Variants in DAGLA observed in about 807,000 individuals in gnomAD.
DAGLA encodes diacylglycerol lipase alpha.
A neutral mutation model predicts 102.6 loss-of-function variants in DAGLA; 22 were observed. The observed-to-expected ratio is 0.21, with a 90% confidence interval of 0.15 to 0.31. DAGLA has a LOEUF of 0.31. DAGLA is among the 10% of genes least tolerant of loss of function. The probability of loss-of-function intolerance (pLI) is 1.00; values close to 1 mark genes in which losing one functional copy is unlikely to be tolerated. For missense variants in DAGLA, 927 were observed against 1,446.6 expected (o/e 0.64, Z 5.83); for synonymous variants, 578 against 628.9 (o/e 0.92, Z 1.21).
chr11:61,696,716 G>A (rs2065069508), intron 1 of DAGLA, among the ~76,000 whole-genome samples: 1 of 152,210 alleles, frequency 6.6e-6, no homozygotes, highest in Non-Finnish European at 1.5e-5. Context: ...AGGTTTGCGT[G>A]AAGCACATCT....
At chr11:61,741,128 C>T (rs1360318199) in intron 18 of DAGLA, 34 bp from the exon 19 acceptor site, 4 of 1,580,258 alleles carry the variant, frequency 2.5e-6, no homozygotes, top group Non-Finnish European at 3.4e-6. Context: ...TGATGTCCCT[C>T]CACCACCCCC....
chr11:61,685,328 T>A (rs1439443781), intron 1 of DAGLA, among the ~76,000 whole-genome samples: 1 of 152,172 alleles, frequency 6.6e-6, no homozygotes, highest in Non-Finnish European at 1.5e-5. Context: ...GCGGCCGGAA[T>A]CCTTTCCATA....
In DAGLA at chr11:61,728,268, G is replaced by A. The variant is rs1303345920; in HGVS notation, c.752G>A (p.Arg251His). The change falls in exon 7 of 20, where the codon CGC (arginine) becomes CAC (histidine). Residue 251 changes from arginine to histidine, a missense_variant. Arg to His is a conservative substitution (Grantham distance 29). Around this residue, in one of 4 missense-constraint regions of DAGLA, gnomAD observed 231 missense variants for 439.8 expected, o/e 0.53. Coordinates refer to ENST00000257215, the MANE Select transcript of DAGLA (RefSeq NM_006133.3). Reference protein sequence around the residue: ...VLLRQRQRAKRNAVLDEANND... With the variant: ...VLLRQRQRAKHNAVLDEANND... ...CTCCGGCAGCGGCAGCGGGCCAAGC[G>A]CAACGCCGTGCTGGACGAGGTGAGC... The A allele has an allele frequency of 1.2e-6, 2 of 1,612,508 alleles. No individual in the cohort carries two copies. The highest frequency in any genetic ancestry group is 1.7e-5 in the Admixed American group (1 of 60,024).
chr11:61,726,122 G>A (rs1565258884), intron 6 of DAGLA, 40 bp downstream of exon 6: 3 of 1,583,740 alleles, frequency 1.9e-6, no homozygotes, highest in South Asian at 1.1e-5. Flanking sequence ...CTCACATCCT[G>A]TGGTCAGGTG....
intron 1 of DAGLA, among the ~76,000 whole-genome samples, chr11:61,703,794 A>G (rs1415027859): frequency 6.6e-6 from 1 of 152,234 alleles, no homozygotes; most frequent in Non-Finnish European, 1.5e-5. Flanking sequence ...TCCTGTAACA[A>G]AAGACAGGTT....
intron 4 of DAGLA, among the ~76,000 whole-genome samples, chr11:61,723,198 C>T (rs2065298577): frequency 6.6e-6 from 1 of 152,192 alleles, no homozygotes; most frequent in African/African-American, 2.4e-5. Flanking sequence ...CTCAGCACCT[C>T]CTTGGAAACC....
At chr11:61,707,694 C>G (rs1048485574) in intron 1 of DAGLA, among the ~76,000 whole-genome samples, 1 of 152,200 alleles carries the variant, frequency 6.6e-6, no homozygotes, top group African/African-American at 2.4e-5. Flanking sequence ...CTGTGGAGGC[C>G]ATGTCGGGGC....
rs752433230 is a variant in DAGLA at position 61,729,025 on chromosome 11, C to G, written c.849+17C>G. The stretch of plus-strand genomic sequence containing the variant: ...AAGAATTCAGTGAGTCAGACATCAA[C>G]TCTCACCCCACCCCGTCCCCATCCC... On this transcript the variant is annotated intron_variant, in intron 8 of 19. Transcript: ENST00000257215. The G allele has an allele frequency of 3.1e-6, 5 of 1,608,010 alleles. No individual in the cohort carries two copies. The highest frequency in any genetic ancestry group is 3.4e-6 in the Non-Finnish European group (4 of 1,174,516).
intron 1 of DAGLA, among the ~76,000 whole-genome samples, chr11:61,699,294 C>A (rs1591028623): frequency 6.6e-6 from 1 of 152,174 alleles, no homozygotes; most frequent in African/African-American, 2.4e-5. Context: ...TGCCCTGGAG[C>A]TAAGGCCAGG....
At position 61,731,294 on chromosome 11, in the gene DAGLA, G is replaced by T. The variant is rs576020525; in HGVS notation, c.850-23G>T. On this transcript the variant is annotated intron_variant, in intron 8 of 19. Transcript: ENST00000257215. ...TAGGCAGGAAGGGCAGGAGGTGACC[G>T]CCCTCTGCCTCCTCTCTTCTAGCAA... 3.1e-6 allele frequency: 5 copies of T among 1,612,090 alleles called. 1 individual carries two copies. The South Asian group carries it at 3.3e-5, about 11-fold the overall frequency.
At chr11:61,715,950 G>A (rs561610871) in intron 1 of DAGLA, among the ~76,000 whole-genome samples, 1 of 152,368 alleles carries the variant, frequency 6.6e-6, no homozygotes, top group Non-Finnish European at 1.5e-5. Context: ...AGAGGGGGGG[G>A]AGAGGGTTCT....
intron 19 of DAGLA, 24 bp from the exon 20 acceptor site, chr11:61,743,508 C>T (rs2065500722): frequency 6.7e-7 from 1 of 1,497,448 alleles, no homozygotes; most frequent in African/African-American, 1.4e-5. Context: ...GTCTTATACC[C>T]CCTGCTCTCC....
intron 6 of DAGLA, among the ~76,000 whole-genome samples, chr11:61,726,770 C>T (rs1343062400): frequency 2.0e-5 from 3 of 152,232 alleles, no homozygotes; most frequent in African/African-American, 7.2e-5. Flanking sequence ...ACCACTCCTC[C>T]CTGAGGCAGA....
At position 61,703,693 on chromosome 11, in the gene DAGLA, G is replaced by GGATC. The variant is rs1555040910; in HGVS notation, c.-44-16416_-44-16415insCGAT. ...AGGATGGAGGAATGGATGGATGGAT[G>GGATC]GATGGATGGATGGATGGATGGATGA... is the stretch of plus-strand genomic sequence containing the variant. On this transcript the variant is annotated intron_variant, in intron 1 of 19. Transcript: ENST00000257215. 4.6e-5 allele frequency among the ~76,000 whole-genome samples: 7 copies of GGATC among 151,922 alleles called. No homozygotes were observed. In the East Asian group the frequency reaches 1.4e-3, roughly 29 times the overall value.
intron 10 of DAGLA, 84 bp downstream of exon 10, chr11:61,735,086 A>G (rs2065412404): frequency 6.6e-7 from 1 of 1,508,038 alleles, no homozygotes; most frequent in African/African-American, 1.4e-5. Flanking sequence ...CCAGGCCGGC[A>G]GGAGCCCTTG....
intron 2 of DAGLA, 84 bp from the exon 3 acceptor site, chr11:61,720,594 TG>T: frequency 7.8e-7 from 1 of 1,280,740 alleles, no homozygotes; most frequent in Non-Finnish European, 1.1e-6. Flanking sequence ...CCACTGAATC[TG>T]GGCTGGGGAA....
At chr11:61,702,234 CTG>C (rs2065114976) in intron 1 of DAGLA, among the ~76,000 whole-genome samples, 1 of 152,198 alleles carries the variant, frequency 6.6e-6, no homozygotes, top group Admixed American at 6.5e-5. Context: ...CTCTCTCTCT[CTG>C]TCTTTAACTC....
In DAGLA at chr11:61,743,910, A is replaced by C. The variant is rs766235541; in HGVS notation, c.2550A>C (p.Ser850=). 1 of 1,612,326 alleles carries C rather than the reference A, an allele frequency of 6.2e-7. No individual in the cohort carries two copies. The highest frequency in any genetic ancestry group is 2.2e-5 in the East Asian group (1 of 44,872). The change falls in exon 20 of 20, where the codon TCA becomes TCC. Residue 850 remains serine (S), a synonymous_variant. Coordinates refer to ENST00000257215, the MANE Select transcript of DAGLA (RefSeq NM_006133.3). Reference sequence around the variant, plus strand: ...CGGCCGACAGCCTGTCCAAGCACTCACAGGACACGCAGCCCCTGGAGGCGG... The same window carrying C: ...CGGCCGACAGCCTGTCCAAGCACTCCCAGGACACGCAGCCCCTGGAGGCGG... The part of the protein sequence containing the change: ...LLAADSLSKH[S]QDTQPLEAAL...
Position 61,738,197 on chromosome 11 carries a change from C to T in DAGLA, c.1646C>T (p.Thr549Ile). ...RQLLDVLQRS[T>I]KPKWRIIVGA... is the part of the protein sequence containing the mutation. ...CTCCTGGATGTCCTGCAGCGAAGCA[C>T]CAAGCCCAAAGTGAGCCCCCACCTG... Residue 549 changes from threonine (T) to isoleucine (I), a missense_variant, in exon 16 of 20, where the codon ACC becomes ATC. Physicochemically the swap from Thr to Ile is moderately conservative, Grantham distance 89 (BLOSUM62 -1). This residue lies in a region of DAGLA where 218 missense variants were observed against 459.6 expected (regional missense o/e 0.47). Coordinates refer to ENST00000257215, the MANE Select transcript of DAGLA (RefSeq NM_006133.3). The T allele has an allele frequency of 6.2e-7, 1 of 1,612,778 alleles. No individual in the cohort carries two copies. The highest frequency in any genetic ancestry group is 1.1e-5 in the South Asian group (1 of 91,044).
Sources: gnomAD v4.1 joint callset for allele counts (sites outside exome capture counted in the v4.1 genomes callset) on GRCh38, gnomAD v4.1.1 for gene constraint, gnomAD v4.1.1 regional missense constraint, MANE v1.5 for transcripts, NCBI Gene and HGNC (gene_info 2026-07-23, HGNC 2026-07-21) for gene names.